PTPRN2: variants seen among roughly 807,000 people sequenced by gnomAD.
PTPRN2 encodes the protein receptor-type tyrosine-protein phosphatase N2.
In PTPRN2, 74 loss-of-function variants were observed where a neutral mutation model predicts 118.8. The ratio of observed to expected loss-of-function variants is 0.62; its 90% confidence interval spans 0.52 to 0.76. PTPRN2 has a LOEUF of 0.76. Among genes scored for constraint, PTPRN2 ranks in the 30% least tolerant of loss-of-function variants. PTPRN2 has a pLI of 0.00. For synonymous variants in PTPRN2, 641 were observed against 608.0 expected (o/e 1.05, Z -0.80); for missense variants, 1,481 against 1,394.4 (o/e 1.06, Z -0.99).
At chr7:158,252,387 C>T (rs1046421688) in intron 3 of PTPRN2, among the ~76,000 whole-genome samples, 1 of 152,148 alleles carries the variant, frequency 6.6e-6, no homozygotes, top group East Asian at 1.9e-4. Context: ...CAGATGAAGG[C>T]GGCCAACTGG....
At chr7:158,163,440 C>T (rs554069007) in intron 6 of PTPRN2, among the ~76,000 whole-genome samples, 7 of 148,978 alleles carry the variant, frequency 4.7e-5, no homozygotes, top group East Asian at 4.1e-4. Flanking sequence ...TCATAGGTGA[C>T]GCCTGTACCG....
intron 4 of PTPRN2, among the ~76,000 whole-genome samples, chr7:158,200,122 T>C (rs1826518955): frequency 6.6e-6 from 1 of 152,216 alleles, no homozygotes; most frequent in South Asian, 2.1e-4. Flanking sequence ...CTTGCTGCTA[T>C]AACTCGCCCT....
intron 5 of PTPRN2, among the ~76,000 whole-genome samples, chr7:158,185,590 C>G (rs1208694653): frequency 1.3e-5 from 2 of 152,236 alleles, no homozygotes; most frequent in Admixed American, 6.5e-5. Context: ...ATTTAGTCAT[C>G]ATAAAGTGTC....
intron 3 of PTPRN2, among the ~76,000 whole-genome samples, chr7:158,238,032 TC>T (rs1292019804): frequency 6.6e-6 from 1 of 152,150 alleles, no homozygotes; most frequent in African/African-American, 2.4e-5. Flanking sequence ...GGCCAGCTGT[TC>T]CGGCAGGGCT....
intron 5 of PTPRN2, among the ~76,000 whole-genome samples, chr7:158,183,066 T>G (rs541202911): frequency 6.6e-6 from 1 of 152,354 alleles, no homozygotes; most frequent in East Asian, 1.9e-4. Context: ...CTCTTTTTAC[T>G]GTTGTTGCTT....
chr7:157,561,526 T>C (rs1585033743), intron 21 of PTPRN2, among the ~76,000 whole-genome samples: 1 of 152,258 alleles, frequency 6.6e-6, no homozygotes, highest in Non-Finnish European at 1.5e-5. Context: ...ATCCTCCCTC[T>C]GGGGCCCTGA....
chr7:157,922,769 G>A (rs974957300), intron 11 of PTPRN2, among the ~76,000 whole-genome samples: 2 of 152,180 alleles, frequency 1.3e-5, no homozygotes, highest in Middle Eastern at 3.4e-3. Context: ...GCTGAAACCA[G>A]CCTGAGTTGG....
chr7:157,711,675 C>G (rs79661760), intron 12 of PTPRN2, among the ~76,000 whole-genome samples: 16,890 of 152,172 alleles, frequency 0.11, 1,099 homozygotes, highest in East Asian at 0.3. Flanking sequence ...GGCCTGAGGA[C>G]AAGCCCCCGG....
intron 2 of PTPRN2, among the ~76,000 whole-genome samples, chr7:158,332,954 CCA>C (rs1318719997): frequency 4.7e-5 from 7 of 147,838 alleles, no homozygotes; most frequent in African/African-American, 1.0e-4. Flanking sequence ...TCACTCACAC[CCA>C]CAGTCTCACC....
chr7:158,273,997 GACAC>G (rs1420535947), intron 3 of PTPRN2, among the ~76,000 whole-genome samples: 2 of 131,130 alleles, frequency 1.5e-5, no homozygotes, highest in Non-Finnish European at 1.6e-5. Context: ...GGGAGCCGCA[GACAC>G]AGGGAGCCGC....
chr7:158,523,551 CTCTGCCCTGGAGTGGAGTCG>C lies in PTPRN2; in HGVS notation c.113-33786_113-33767del, dbSNP rs1219340805. ...GCAGAGTCTGCCCTGGAATGGAGTC[CTCTGCCCTGGAGTGGAGTCG>C]TCTGCCCTGGAGTGGAGTCATCTGC... On this transcript the variant is annotated intron_variant, in intron 1 of 22. Coordinates refer to ENST00000389418, the MANE Select transcript of PTPRN2 (RefSeq NM_002847.5). Among the ~76,000 whole-genome samples the C allele has an allele frequency of 5.1e-3, 205 of 39,956 alleles. 3 individuals carry two copies. The highest frequency in any genetic ancestry group is 0.015 in the African/African-American group (188 of 12,144). 26.2% of individuals were successfully genotyped at this position (39,956 alleles called of 152,430 possible). A position where few individuals can be genotyped will look rare whatever the true frequency, so the allele number is the denominator to read the frequency against.
At chr7:157,576,547 G>C in intron 19 of PTPRN2, 66 bp downstream of exon 19, 2 of 1,428,316 alleles carry the variant, frequency 1.4e-6, no homozygotes, top group Middle Eastern at 1.9e-4. Flanking sequence ...CAGGAGCACC[G>C]AAGCCTCGCT....
intron 12 of PTPRN2, among the ~76,000 whole-genome samples, chr7:157,710,596 C>T (rs1000031702): frequency 2.5e-4 from 38 of 152,004 alleles, no homozygotes; most frequent in Admixed American, 2.2e-3. Context: ...GACCCCAAGC[C>T]GCTCAGGACC....
intron 6 of PTPRN2, among the ~76,000 whole-genome samples, chr7:158,144,833 C>G (rs537765092): frequency 2.0e-5 from 3 of 152,188 alleles, no homozygotes; most frequent in African/African-American, 7.2e-5. Flanking sequence ...GTCGACCCAC[C>G]CTGAACTTTG....
At chr7:157,982,209 TCA>T (rs1284583026) in intron 11 of PTPRN2, among the ~76,000 whole-genome samples, 1 of 118,014 alleles carries the variant, frequency 8.5e-6, no homozygotes, top group East Asian at 2.8e-4. Context: ...AAACCCCGAG[TCA>T]CAGAGATGAG....
intron 2 of PTPRN2, among the ~76,000 whole-genome samples, chr7:158,380,740 T>G (rs191820854): frequency 6.6e-6 from 1 of 152,344 alleles, no homozygotes; most frequent in East Asian, 1.9e-4. Context: ...ACATTTCCCT[T>G]CTGCACTGCC....
At chr7:158,551,108 C>T (rs1001874231) in intron 1 of PTPRN2, among the ~76,000 whole-genome samples, 8 of 152,238 alleles carry the variant, frequency 5.3e-5, no homozygotes, top group East Asian at 1.9e-4. Context: ...CTGCAACAAC[C>T]GACACTCGCT....
chr7:158,058,173 ACG>A lies in PTPRN2; in HGVS notation c.1723+23123_1723+23124del, dbSNP rs1321785586. ...CACTGCAGCCACACTCCATCTGCCC[ACG>A]GTGAGACATCACTGTAGCCACACTC... On this transcript the variant is annotated intron_variant, in intron 11 of 22. Transcript: ENST00000389418. Among the ~76,000 whole-genome samples the A allele has an allele frequency of 2.9e-5, 4 of 139,738 alleles. No individual in the cohort carries two copies. The East Asian group carries it at 8.6e-4, about 30-fold the overall frequency. 91.7% of individuals were successfully genotyped at this position (139,738 alleles called of 152,430 possible). A position where few individuals can be genotyped will look rare whatever the true frequency, so the allele number is the denominator to read the frequency against.
intron 2 of PTPRN2, among the ~76,000 whole-genome samples, chr7:158,344,491 TG>T (rs1178908562): frequency 6.6e-6 from 1 of 151,896 alleles, no homozygotes; most frequent in Non-Finnish European, 1.5e-5. Context: ...ACCCAGGTCT[TG>T]AATGCTAATT....
Sources: allele counts gnomAD v4.1 joint callset (sites outside exome capture counted in the v4.1 genomes callset), GRCh38; gene constraint gnomAD v4.1.1; transcripts MANE v1.5; gene names NCBI Gene and HGNC (gene_info 2026-07-23, HGNC 2026-07-21).